TENM4: variants seen among roughly 807,000 people sequenced by gnomAD.
TENM4 encodes teneurin-4.
In TENM4, 82 loss-of-function variants were observed where a neutral mutation model predicts 243.3. The ratio of observed to expected loss-of-function variants is 0.34; its 90% confidence interval spans 0.28 to 0.40. The LOEUF is 0.40. TENM4 is among the 10% of genes least tolerant of loss of function. The probability of loss-of-function intolerance (pLI) is 1.00; values close to 1 mark genes in which losing one functional copy is unlikely to be tolerated. For synonymous variants in TENM4, 1,412 were observed against 1,456.3 expected (o/e 0.97, Z 0.69); for missense variants, 3,138 against 3,673.3 (o/e 0.85, Z 3.77).
At chr11:79,333,897 G>A (rs1857104229) in intron 1 of TENM4, among the ~76,000 whole-genome samples, 1 of 152,182 alleles carries the variant, frequency 6.6e-6, no homozygotes. Context: ...TGGCTCTAGA[G>A]CCTGTTTTTT....
intron 6 of TENM4, among the ~76,000 whole-genome samples, chr11:79,032,888 A>G (rs1859282879): frequency 6.6e-6 from 1 of 152,160 alleles, no homozygotes; most frequent in Admixed American, 6.5e-5. Flanking sequence ...TATTTTCACG[A>G]CAAAAAGTTG....
At chr11:78,892,368 C>T (rs866012812) in intron 7 of TENM4, among the ~76,000 whole-genome samples, 6 of 152,214 alleles carry the variant, frequency 3.9e-5, no homozygotes, top group Admixed American at 1.3e-4. Flanking sequence ...AAGAAAGGAA[C>T]TGACTGCAGA....
chr11:79,243,845 A>G (rs1451423055), intron 2 of TENM4, among the ~76,000 whole-genome samples: 2 of 152,198 alleles, frequency 1.3e-5, no homozygotes, highest in Non-Finnish European at 1.5e-5. Flanking sequence ...CAAGGACTCA[A>G]CTCAGGACCA....
chr11:79,375,794 C>T (rs1211285988), intron 1 of TENM4, among the ~76,000 whole-genome samples: 6 of 151,942 alleles, frequency 3.9e-5, no homozygotes, highest in Non-Finnish European at 8.8e-5. Context: ...TTGATGGGGT[C>T]GGAATGGGAG....
intron 2 of TENM4, among the ~76,000 whole-genome samples, chr11:79,256,308 C>A (rs1855700615): frequency 2.0e-5 from 3 of 152,208 alleles, no homozygotes; most frequent in Admixed American, 2.0e-4. Context: ...CCCTGCTCCT[C>A]TCTCAACCCT....
At chr11:78,699,286 A>G (rs1859048115) in intron 28 of TENM4, among the ~76,000 whole-genome samples, 2 of 152,244 alleles carry the variant, frequency 1.3e-5, no homozygotes, top group South Asian at 4.1e-4. Context: ...TATCGTACAG[A>G]TAAGTCACAA....
chr11:78,964,479 C>G (rs979487622), intron 6 of TENM4, among the ~76,000 whole-genome samples: 1 of 152,126 alleles, frequency 6.6e-6, no homozygotes, highest in Non-Finnish European at 1.5e-5. Context: ...AATAAATGAC[C>G]AAGGTACAAC....
Position 78,669,603 on chromosome 11 carries a change from G to C in TENM4, c.6742C>G (p.Leu2248Val). The C allele has an allele frequency of 6.2e-7, 1 of 1,613,970 alleles. No homozygotes were observed. Among genetic ancestry groups the C allele is most frequent in the African/African-American group, 1.3e-5 (1 of 75,028 alleles). The change falls in exon 32 of 34, where the codon CTG becomes GTG. Residue 2248 changes from leucine to valine, a missense_variant. By Grantham distance (32) the Leu-to-Val change is conservative. Transcript: ENST00000278550. This position sits in a 1 kb window ranked among gnomAD's most constrained non-coding sequence, Gnocchi z 6.4. ...TCCATCTTGTATTGCACGTCACCCA[G>C]CCGAGTGATGCGGTCGCGGATGTCA... ...RYDIRDRITRLGDVQYKMDED... is the reference protein window; with the variant it reads ...RYDIRDRITRVGDVQYKMDED...
intron 6 of TENM4, among the ~76,000 whole-genome samples, chr11:79,062,436 C>G (rs1860127332): frequency 6.6e-6 from 1 of 152,184 alleles, no homozygotes; most frequent in Non-Finnish European, 1.5e-5. Flanking sequence ...ACCAGATGCT[C>G]TGAGAATAAA....
intron 7 of TENM4, among the ~76,000 whole-genome samples, chr11:78,897,386 G>C (rs1368377622): frequency 6.6e-6 from 1 of 152,156 alleles, no homozygotes; most frequent in Non-Finnish European, 1.5e-5. Context: ...ACTACGTGTT[G>C]AGTCTTGTGA....
intron 6 of TENM4, among the ~76,000 whole-genome samples, chr11:79,061,513 C>T (rs747521): frequency 0.9 from 137,733 of 152,246 alleles, 62,702 homozygotes; most frequent in Middle Eastern, 0.98. Context: ...CTCTGTCCCA[C>T]TATCAAAGGC....
At chr11:78,725,655 G>A (rs914374765) in intron 23 of TENM4, among the ~76,000 whole-genome samples, 1 of 152,170 alleles carries the variant, frequency 6.6e-6, no homozygotes, top group Non-Finnish European at 1.5e-5. Flanking sequence ...TGCCTAAAAT[G>A]TTCTCCCTAC....
intron 1 of TENM4, among the ~76,000 whole-genome samples, chr11:79,431,032 T>C (rs1381234850): frequency 6.6e-6 from 1 of 152,164 alleles, no homozygotes; most frequent in African/African-American, 2.4e-5. Context: ...CGTTGCCAAT[T>C]TTCTTAGGTT....
At chr11:78,714,495 G>A (rs370412129) in intron 25 of TENM4, among the ~76,000 whole-genome samples, 67 of 142,790 alleles carry the variant, frequency 4.7e-4, no homozygotes, top group African/African-American at 1.7e-3. Flanking sequence ...AATCCTTCTC[G>A]AACCAAGGGG....
chr11:78,715,718 T>A (rs1859506230), intron 25 of TENM4, among the ~76,000 whole-genome samples: 12 of 152,236 alleles, frequency 7.9e-5, no homozygotes, highest in Admixed American at 6.5e-4. Flanking sequence ...AGCTGTCGAA[T>A]GACTAAGTCC....
intron 3 of TENM4, among the ~76,000 whole-genome samples, chr11:79,193,960 C>T (rs1183237082): frequency 1.3e-5 from 2 of 152,034 alleles, no homozygotes; most frequent in African/African-American, 2.4e-5. Context: ...TGTGTCTCCA[C>T]CCAAATCTCA....
At chr11:79,352,007 T>C (rs1201405983) in intron 1 of TENM4, among the ~76,000 whole-genome samples, 1 of 152,202 alleles carries the variant, frequency 6.6e-6, no homozygotes, top group Non-Finnish European at 1.5e-5. Context: ...AGTTTTCTGA[T>C]TTGTAAAATC....
intron 15 of TENM4, among the ~76,000 whole-genome samples, chr11:78,787,470 T>G (rs1434902731): frequency 6.6e-6 from 1 of 152,130 alleles, no homozygotes; most frequent in Non-Finnish European, 1.5e-5. Context: ...AAAAGTCAAA[T>G]GTAATTAAAA....
At chr11:78,916,933 C>T (rs564691301) in intron 6 of TENM4, among the ~76,000 whole-genome samples, 1 of 152,316 alleles carries the variant, frequency 6.6e-6, no homozygotes, top group East Asian at 1.9e-4. Context: ...TCTGATTGCT[C>T]TTTCTACTTT....
Sources: allele counts gnomAD v4.1 joint callset (sites outside exome capture counted in the v4.1 genomes callset), GRCh38; gene constraint gnomAD v4.1.1; non-coding constraint Gnocchi (gnomAD v3.1); transcripts MANE v1.5; gene names NCBI Gene and HGNC (gene_info 2026-07-23, HGNC 2026-07-21).